The following CLUL1 variants were observed in gnomAD, a reference collection of about 807,000 sequenced individuals.
CLUL1 encodes the protein clusterin-like protein 1.
In CLUL1, 43 loss-of-function variants were observed where a neutral mutation model predicts 49.4. The observed-to-expected ratio is 0.87, with a 90% CI of 0.68 to 1.12. The LOEUF is 1.12. Among genes scored for constraint, CLUL1 ranks in the 50% most tolerant of loss-of-function variants. CLUL1 has a pLI of 0.00. For synonymous variants in CLUL1, 192 were observed against 184.9 expected, an observed-to-expected ratio of 1.04 and a Z score of -0.31; for missense variants, 486 against 544.4, an observed-to-expected ratio of 0.89 and a Z score of 1.07.
intron 6 of CLUL1, among the ~76,000 whole-genome samples, chr18:633,082 G>T (rs565011348): frequency 2.4e-4 from 37 of 152,206 alleles, no homozygotes; most frequent in African/African-American, 7.2e-4. Context: ...ACTTGAACCC[G>T]GGAGGCAGAG....
chr18:639,912 T>C (rs1209513167), intron 7 of CLUL1, among the ~76,000 whole-genome samples: 2 of 152,102 alleles, frequency 1.3e-5, no homozygotes, highest in Non-Finnish European at 2.9e-5. Context: ...ACTGGAGTGC[T>C]TACAGTCAAG....
intron 2 of CLUL1, among the ~76,000 whole-genome samples, chr18:612,497 T>G (rs530505365): frequency 3.0e-4 from 45 of 152,324 alleles, no homozygotes; most frequent in African/African-American, 1.1e-3. Context: ...GGATCTATTG[T>G]TGCCATCTTG....
At chr18:626,862 AAT>A (rs2073733902) in intron 5 of CLUL1, among the ~76,000 whole-genome samples, 2 of 95,550 alleles carry the variant, frequency 2.1e-5, no homozygotes, top group South Asian at 3.6e-4. Flanking sequence ...CTCCATCTCA[AAT>A]AAGAAAGAAA....
At position 644,891 on chromosome 18, in the gene CLUL1, T is replaced by A. The variant is rs766860013; in HGVS notation, c.1210-19T>A. ...ATTGGGATTTAGTAAACTTCTACTGTATAATCCTTCTTCTGTAGGTAGTTC... is the reference window on the plus strand; with the variant it reads ...ATTGGGATTTAGTAAACTTCTACTGAATAATCCTTCTTCTGTAGGTAGTTC... On this transcript the variant is annotated intron_variant, in intron 8 of 9. Coordinates refer to ENST00000692774, the MANE Select transcript of CLUL1 (RefSeq NM_001393344.1). 12 of 1,582,876 alleles carry A rather than the reference T, an allele frequency of 7.6e-6. No individual in the cohort carries two copies. The highest frequency in any genetic ancestry group is 1.7e-4 in the Middle Eastern group (1 of 5,984).
At chr18:630,196 C>T (rs1156693838) in intron 6 of CLUL1, among the ~76,000 whole-genome samples, 1 of 152,138 alleles carries the variant, frequency 6.6e-6, no homozygotes, top group South Asian at 2.1e-4. Context: ...GCAACCTCCA[C>T]CTCCGGGGTT....
intron 5 of CLUL1, among the ~76,000 whole-genome samples, chr18:625,443 T>A (rs181067746): frequency 3.3e-5 from 5 of 152,078 alleles, no homozygotes; most frequent in Non-Finnish European, 7.4e-5. Context: ...TAATTTTTCC[T>A]TCTGGAGGCC....
At position 624,897 on chromosome 18, in the gene CLUL1, A is replaced by C; in HGVS notation, c.288A>C (p.Glu96Asp). The C allele has an allele frequency of 6.2e-7, 1 of 1,614,110 alleles. No homozygotes were observed. The highest frequency in any genetic ancestry group is 8.5e-7 in the Non-Finnish European group (1 of 1,179,980). ...EALKLLNEVQEHLEEEERLCR... is the reference protein window; with the variant it reads ...EALKLLNEVQDHLEEEERLCR... ...TGAAACTTCTGAATGAAGTTCAAGA[A>C]CATCTGGAGGAAGAAGAAAGGCTAT... The change falls in exon 5 of 10, where the codon GAA becomes GAC. Residue 96 changes from glutamate to aspartate, a missense_variant. Glu to Asp is a conservative substitution (Grantham distance 45, BLOSUM62 2). Transcript: ENST00000692774.
At chr18:640,732 T>C (rs1420088181) in intron 7 of CLUL1, among the ~76,000 whole-genome samples, 4 of 152,244 alleles carry the variant, frequency 2.6e-5, no homozygotes, top group African/African-American at 4.8e-5. Context: ...CAAATAATAA[T>C]TTTGTCTCTT....
At chr18:603,777 G>A (rs1037645298) in intron 1 of CLUL1, among the ~76,000 whole-genome samples, 5 of 152,118 alleles carry the variant, frequency 3.3e-5, no homozygotes, top group South Asian at 2.1e-4. Flanking sequence ...ATAGCCACAC[G>A]CATTCCTCCA....
At chr18:631,526 T>C (rs11661043) in intron 6 of CLUL1, among the ~76,000 whole-genome samples, 52,860 of 151,998 alleles carry the variant, frequency 0.35, 9,644 homozygotes, top group East Asian at 0.48. Flanking sequence ...TGAGGTTCTG[T>C]CAAGGCTAGA....
intron 9 of CLUL1, among the ~76,000 whole-genome samples, chr18:645,813 ATATAT>A (rs2074485493): frequency 4.9e-4 from 28 of 57,050 alleles, no homozygotes; most frequent in African/African-American, 6.9e-4. Flanking sequence ...AAAAAAAAAT[ATATAT>A]ATATATATAT....
chr18:632,050 C>T (rs1183269963), intron 6 of CLUL1, among the ~76,000 whole-genome samples: 4 of 152,044 alleles, frequency 2.6e-5, no homozygotes, highest in Admixed American at 6.6e-5. Flanking sequence ...CAAAATAAAA[C>T]GTTTCATTTT....
intron 9 of CLUL1, among the ~76,000 whole-genome samples, chr18:647,403 G>T (rs1378473286): frequency 6.6e-6 from 1 of 152,146 alleles, no homozygotes; most frequent in African/African-American, 2.4e-5. Flanking sequence ...TCAGCTAAAA[G>T]AAATGGATGG....
At position 605,998 on chromosome 18, in the gene CLUL1, C is replaced by T. The variant is rs1221604793; in HGVS notation, c.-135-980C>T. 1.3e-5 allele frequency among the ~76,000 whole-genome samples: 2 copies of T among 150,860 alleles called. 1 individual carries two copies. The highest frequency in any genetic ancestry group is 4.0e-4 in the East Asian group (2 of 5,010). On this transcript the variant is annotated intron_variant, in intron 1 of 9. Coordinates refer to ENST00000692774, the MANE Select transcript of CLUL1 (RefSeq NM_001393344.1). ...GTCGTTTTTTCTTTTCTTTTTTATTCTATGTTTTAATGAATTTACACGTTA... is the reference window on the plus strand; with the variant it reads ...GTCGTTTTTTCTTTTCTTTTTTATTTTATGTTTTAATGAATTTACACGTTA...
chr18:620,276 A>G (rs2073450623), intron 4 of CLUL1, among the ~76,000 whole-genome samples: 1 of 152,176 alleles, frequency 6.6e-6, no homozygotes, highest in Non-Finnish European at 1.5e-5. Context: ...CACTTGGCCA[A>G]TAAAGAGCTC....
rs2073411294 is a variant in CLUL1 at position 619,285 on chromosome 18, A to G, written c.179A>G (p.Lys60Arg). Residue 60 changes from lysine (K) to arginine (R), a missense_variant, in exon 4 of 10, where the codon AAA becomes AGA. By Grantham distance (26) the Lys-to-Arg change is conservative (BLOSUM62 2). Coordinates refer to ENST00000692774, the MANE Select transcript of CLUL1 (RefSeq NM_001393344.1). ...KKALTGIKQM[K>R]IMMERKEKEH... ...GCTTTGACTGGTATTAAGCAAATGA[A>G]AATCATGATGGAAAGAAAAGAGAAG... 1 of 1,613,988 alleles carries G rather than the reference A, an allele frequency of 6.2e-7. No homozygotes were observed. The highest frequency in any genetic ancestry group is 8.5e-7 in the Non-Finnish European group (1 of 1,179,994).
chr18:615,773 G>C (rs555127968), intron 2 of CLUL1, among the ~76,000 whole-genome samples: 1 of 152,278 alleles, frequency 6.6e-6, no homozygotes, highest in South Asian at 2.1e-4. Flanking sequence ...TTTTCCAAGA[G>C]AGCTAAGAGT....
At chr18:598,362 G>T in intron 1 of CLUL1, 2 of 391,632 alleles carry the variant, frequency 5.1e-6, no homozygotes, top group Non-Finnish European at 9.0e-6. Flanking sequence ...CAAACAGTGA[G>T]ATGTGGCTGT....
chr18:613,792 C>A (rs1458949718), intron 2 of CLUL1, among the ~76,000 whole-genome samples: 2 of 152,148 alleles, frequency 1.3e-5, no homozygotes, highest in Admixed American at 6.5e-5. Flanking sequence ...GTCTACCTTC[C>A]AATGACATTG....
Sources: allele counts gnomAD v4.1 joint callset (sites outside exome capture counted in the v4.1 genomes callset), GRCh38; gene constraint gnomAD v4.1.1; transcripts MANE v1.5; gene names NCBI Gene and HGNC (gene_info 2026-07-23, HGNC 2026-07-21).